FAF1: variants seen among roughly 807,000 people sequenced by gnomAD.
FAF1 encodes Fas associated factor 1.
In FAF1, 25 loss-of-function variants were observed where a neutral mutation model predicts 92.5. That is an observed-to-expected ratio of 0.27 (90% CI 0.20 to 0.38). The LOEUF (loss-of-function observed/expected upper bound fraction) is 0.38, where lower values mean the gene tolerates loss of function less well. Among genes scored for constraint, FAF1 ranks in the 10% least tolerant of loss-of-function variants. The pLI is 1.00. For synonymous variants in FAF1, 234 were observed against 273.2 expected, an observed-to-expected ratio of 0.86 and a Z score of 1.42; for missense variants, 636 against 793.3, an observed-to-expected ratio of 0.80 and a Z score of 2.38.
chr1:50,504,386 T>C (rs1647028406), intron 15 of FAF1, among the ~76,000 whole-genome samples: 1 of 147,886 alleles, frequency 6.8e-6, no homozygotes, highest in Non-Finnish European at 1.5e-5. Flanking sequence ...AAACAGTAGC[T>C]TGGACATAGG....
rs111621732 is a variant in FAF1, at chr1:50,949,996, TA to T, written c.45+9770del. ...CACATGCTATCACACCCAGCTAATT[TA>T]AAAAAAAAAAATTTATTTTTTTTTG... On this transcript the variant is annotated intron_variant, in intron 1 of 18. Transcript: ENST00000396153. Among the ~76,000 whole-genome samples, 1,212 of 148,554 alleles carry T rather than the reference TA, an allele frequency of 8.2e-3. 12 individuals are homozygous for T. The highest frequency in any genetic ancestry group is 0.028 in the African/African-American group (1,141 of 40,776).
chr1:50,828,259 C>CTT (rs61047986), intron 2 of FAF1, among the ~76,000 whole-genome samples: 12 of 139,364 alleles, frequency 8.6e-5, no homozygotes, highest in African/African-American at 1.8e-4. Flanking sequence ...AGGGTCTTTT[C>CTT]TTTTTTTTTT....
intron 9 of FAF1, among the ~76,000 whole-genome samples, chr1:50,588,269 A>G (rs1651336850): frequency 6.6e-6 from 1 of 152,222 alleles, no homozygotes; most frequent in African/African-American, 2.4e-5. Flanking sequence ...TATATTTTGT[A>G]TAGACAGGGT....
rs778157039 is a variant in FAF1 at position 50,567,088 on chromosome 1, G to A, written c.1257C>T (p.Ser419=). ...ITWAWDLTKD[S]NRARFLTMCN... is the part of the protein sequence containing the mutation. ...AACAACAGTATTACCTTGCTCTGTT[G>A]GAGTCCTTTGTCAGATCCCAAGCCC... Residue 419 remains serine, a synonymous_variant, in exon 13 of 19, where the codon TCC becomes TCT. Transcript: ENST00000396153. 1 of 1,605,298 alleles carries A rather than the reference G, an allele frequency of 6.2e-7. No homozygotes were observed. The highest frequency in any genetic ancestry group is 8.5e-7 in the Non-Finnish European group (1 of 1,175,258).
chr1:50,439,255 T>C lies in FAF1; in HGVS notation c.*2185A>G, dbSNP rs995127417. ...AAGTCATTTTAATGCTCTGCTTGTA[T>C]GAAAAGGATAAAATTGCTTTGGCCT... is the stretch of plus-strand genomic sequence containing the variant. On this transcript the variant is annotated 3_prime_UTR_variant, in exon 19 of 19. Transcript: ENST00000396153. The C allele has an allele frequency of 2.6e-5, 4 of 152,234 alleles. No individual in the cohort carries two copies. The highest frequency in any genetic ancestry group is 7.2e-5 in the African/African-American group (3 of 41,460). The allele number at this position is 152,234 out of a possible 1,614,324, so 9.4% of individuals were successfully genotyped here. A position where few individuals can be genotyped will look rare whatever the true frequency, so the allele number is the denominator to read the frequency against.
chr1:50,486,520 T>C (rs1028321419), intron 17 of FAF1, among the ~76,000 whole-genome samples: 10 of 152,264 alleles, frequency 6.6e-5, no homozygotes, highest in African/African-American at 2.4e-4. Flanking sequence ...GTGAAGTCTT[T>C]TTTTTTTTAA....
At chr1:50,744,280 A>G (rs967982328) in intron 5 of FAF1, among the ~76,000 whole-genome samples, 1 of 152,196 alleles carries the variant, frequency 6.6e-6, no homozygotes, top group African/African-American at 2.4e-5. Flanking sequence ...TTGTTCCATA[A>G]TCAATACTTG....
chr1:50,647,008 G>C (rs1365164850), intron 8 of FAF1, among the ~76,000 whole-genome samples: 1 of 152,108 alleles, frequency 6.6e-6, no homozygotes, highest in Non-Finnish European at 1.5e-5. Flanking sequence ...ACCACGCCCA[G>C]CTAATTTTTT....
chr1:50,744,506 T>C (rs1395340502), intron 5 of FAF1, among the ~76,000 whole-genome samples, 178 bp downstream of exon 5: 1 of 152,200 alleles, frequency 6.6e-6, no homozygotes, highest in Non-Finnish European at 1.5e-5. Flanking sequence ...TTGTTATTGG[T>C]TTATCATGAA....
intron 8 of FAF1, among the ~76,000 whole-genome samples, chr1:50,599,567 A>G (rs548634828): frequency 8.5e-5 from 13 of 152,226 alleles, no homozygotes; most frequent in African/African-American, 3.1e-4. Context: ...TCCCTGTTAA[A>G]TCAGTAAAAA....
At chr1:50,554,390 T>TATATATATATATATAGAGAGAG in intron 13 of FAF1, among the ~76,000 whole-genome samples, 5 of 93,684 alleles carry the variant, frequency 5.3e-5, no homozygotes, top group Non-Finnish European at 6.0e-5. Flanking sequence ...TATATATATA[T>TATATATATATATATAGAGAGAG]AGAGAGAGAG....
intron 7 of FAF1, among the ~76,000 whole-genome samples, chr1:50,657,174 C>G (rs947309439): frequency 6.6e-6 from 1 of 151,002 alleles, no homozygotes; most frequent in African/African-American, 2.4e-5. Context: ...ATCATGCCAC[C>G]GCACTCCCAC....
chr1:50,673,638 G>C (rs1453284514), intron 7 of FAF1, among the ~76,000 whole-genome samples: 1 of 152,084 alleles, frequency 6.6e-6, no homozygotes, highest in Non-Finnish European at 1.5e-5. Flanking sequence ...AGAGACTCTT[G>C]ACAGTCATTC....
intron 3 of FAF1, among the ~76,000 whole-genome samples, chr1:50,792,847 G>A (rs1262217698): frequency 6.6e-6 from 1 of 152,106 alleles, no homozygotes; most frequent in African/African-American, 2.4e-5. Flanking sequence ...GAGGTCAAAT[G>A]GCAAAATTTG....
intron 8 of FAF1, among the ~76,000 whole-genome samples, chr1:50,618,351 G>A (rs1424103700): frequency 6.7e-6 from 1 of 148,388 alleles, no homozygotes; most frequent in Non-Finnish European, 1.5e-5. Flanking sequence ...TAATACTGGT[G>A]TTCACTCAGG....
chr1:50,950,105 G>T (rs1235265259), intron 1 of FAF1, among the ~76,000 whole-genome samples: 1 of 152,042 alleles, frequency 6.6e-6, no homozygotes, highest in African/African-American at 2.4e-5. Context: ...TTCTCAAAGT[G>T]CTGGGAATAC....
At chr1:50,890,232 C>T (rs1487869373) in intron 1 of FAF1, among the ~76,000 whole-genome samples, 2 of 152,166 alleles carry the variant, frequency 1.3e-5, no homozygotes, top group Non-Finnish European at 2.9e-5. Flanking sequence ...TCCTCCATCC[C>T]TTTATTTTGA....
At chr1:50,634,254 AAAG>A (rs1262155181) in intron 8 of FAF1, among the ~76,000 whole-genome samples, 1 of 152,164 alleles carries the variant, frequency 6.6e-6, no homozygotes, top group Non-Finnish European at 1.5e-5. Context: ...TCAAAAAAAA[AAAG>A]AATTTCTGTT....
intron 2 of FAF1, among the ~76,000 whole-genome samples, chr1:50,842,997 A>G (rs1211173041): frequency 2.6e-5 from 4 of 152,192 alleles, no homozygotes; most frequent in East Asian, 1.9e-4. Context: ...GGGACTCAAC[A>G]TAATATTTGA....
Sources: allele counts gnomAD v4.1 joint callset (sites outside exome capture counted in the v4.1 genomes callset), GRCh38; gene constraint gnomAD v4.1.1; transcripts MANE v1.5; gene names NCBI Gene and HGNC (gene_info 2026-07-23, HGNC 2026-07-21).